The following COL4A3 variants were observed in gnomAD, a reference collection of about 807,000 sequenced individuals.
COL4A3 encodes collagen alpha-3(IV) chain.
Under a neutral mutation model 217.4 loss-of-function variants are expected in COL4A3, and 135 were observed. That is an observed-to-expected ratio of 0.62 (90% confidence interval 0.54 to 0.72). The LOEUF (loss-of-function observed/expected upper bound fraction) is 0.72, where lower values mean the gene tolerates loss of function less well. Ranked by LOEUF, COL4A3 falls within the 30% of genes least tolerant of loss-of-function variation. The pLI is 0.00. For synonymous variants in COL4A3, 690 were observed against 736.3 expected (o/e 0.94, Z 1.02); for missense variants, 1,868 against 2,119.9 (o/e 0.88, Z 2.33).
At chr2:227,206,631 C>T (rs181346495) in intron 1 of COL4A3, among the ~76,000 whole-genome samples, 47 of 151,804 alleles carry the variant, frequency 3.1e-4, no homozygotes, top group Non-Finnish European at 5.6e-4. Context: ...CACCTGAGAA[C>T]TTGTCAGAAA....
chr2:227,243,985 A>G lies in COL4A3; in HGVS notation c.235-335A>G, dbSNP rs576606458. ...GACTTTAATGTGCACAAGAATCACTAAAGAATCATGTTAAACATGCAGATT... is the reference window on the plus strand; with the variant it reads ...GACTTTAATGTGCACAAGAATCACTGAAGAATCATGTTAAACATGCAGATT... On this transcript the variant is annotated intron_variant, in intron 3 of 51. Coordinates refer to ENST00000396578, the MANE Select transcript of COL4A3 (RefSeq NM_000091.5). Among the ~76,000 whole-genome samples the G allele has an allele frequency of 7.2e-5, 11 of 152,312 alleles. No homozygotes were observed. The South Asian group carries it at 1.4e-3, about 20-fold the overall frequency.
intron 34 of COL4A3, among the ~76,000 whole-genome samples, chr2:227,287,299 C>T (rs2072391865): frequency 1.3e-5 from 2 of 152,062 alleles, no homozygotes; most frequent in Non-Finnish European, 2.9e-5. Context: ...GGCGTGGTGG[C>T]ACACGCCTGT....
chr2:227,184,536 T>C (rs966429956), intron 1 of COL4A3, among the ~76,000 whole-genome samples: 1 of 152,208 alleles, frequency 6.6e-6, no homozygotes, highest in African/African-American at 2.4e-5. Flanking sequence ...CCAAGAAAGA[T>C]CTGGTCAATA....
intron 1 of COL4A3, among the ~76,000 whole-genome samples, chr2:227,176,637 A>G (rs1015701422): frequency 1.3e-5 from 2 of 152,210 alleles, no homozygotes; most frequent in African/African-American, 4.8e-5. Flanking sequence ...GTTCAAGTGT[A>G]TTTAGAAACT....
chr2:227,233,664 T>C (rs1458909384), intron 1 of COL4A3, among the ~76,000 whole-genome samples: 2 of 152,038 alleles, frequency 1.3e-5, no homozygotes, highest in African/African-American at 2.4e-5. Context: ...AGACCCAAAC[T>C]AAGGGACAAT....
intron 1 of COL4A3, among the ~76,000 whole-genome samples, chr2:227,223,255 C>T (rs960149912): frequency 1.3e-5 from 2 of 152,172 alleles, no homozygotes; most frequent in Non-Finnish European, 2.9e-5. Flanking sequence ...TTACTAAAGA[C>T]TTCAAATAAT....
intron 1 of COL4A3, among the ~76,000 whole-genome samples, chr2:227,167,972 C>T (rs1234747341): frequency 6.6e-6 from 1 of 152,172 alleles, no homozygotes; most frequent in South Asian, 2.1e-4. Context: ...AATAGTTTCA[C>T]ATTACACGTA....
At chr2:227,218,722 G>GAAATATTA (rs1266200261) in intron 1 of COL4A3, among the ~76,000 whole-genome samples, 1 of 152,136 alleles carries the variant, frequency 6.6e-6, no homozygotes, top group Admixed American at 6.5e-5. Flanking sequence ...CACATATTAG[G>GAAATATTA]AAAGGTGGAA....
rs985755795 is a variant in COL4A3, at chr2:227,312,975, A to C, written c.*1105A>C. On this transcript the variant is annotated 3_prime_UTR_variant, in exon 52 of 52. Coordinates refer to ENST00000396578, the MANE Select transcript of COL4A3 (RefSeq NM_000091.5). ...TTTATGTTATATGTTGTTCTTACAA[A>C]CCATACTGAAAGAGTCCATTGTTTA... 1.3e-4 allele frequency: 20 copies of C among 152,536 alleles called. No individual in the cohort carries two copies. The highest frequency in any genetic ancestry group is 4.6e-4 in the African/African-American group (19 of 41,440). 9.4% of individuals were successfully genotyped at this position (152,536 alleles called of 1,614,324 possible).
intron 25 of COL4A3, among the ~76,000 whole-genome samples, chr2:227,272,637 C>G (rs1026719108): frequency 1.3e-5 from 2 of 152,184 alleles, no homozygotes; most frequent in African/African-American, 4.8e-5. Flanking sequence ...CCACTAAAGT[C>G]ATTTGAACTA....
rs537350651 is a variant in COL4A3 at position 227,311,658 on chromosome 2, G to A, written c.4929-128G>A. 202 of 846,894 alleles carry A rather than the reference G, an allele frequency of 2.4e-4. No homozygotes were observed. In the African/African-American group the frequency reaches 3.0e-3, roughly 13 times the overall value. The allele number at this position is 846,894 out of a possible 1,614,324, so 52.5% of individuals were successfully genotyped here. A position where few individuals can be genotyped will look rare whatever the true frequency, so the allele number is the denominator to read the frequency against. On this transcript the variant is annotated intron_variant, in intron 51 of 51. Coordinates refer to ENST00000396578, the MANE Select transcript of COL4A3 (RefSeq NM_000091.5). ...CTCCCAAATTGCTGGGATTACAGGCGTGAGCCACCACGCCCGACCCTGTAA... is the reference window on the plus strand; with the variant it reads ...CTCCCAAATTGCTGGGATTACAGGCATGAGCCACCACGCCCGACCCTGTAA...
In COL4A3 at chr2:227,256,017, T is replaced by C. The variant is rs374163622; in HGVS notation, c.889-9T>C. The C allele has an allele frequency of 3.8e-5, 61 of 1,613,646 alleles. No individual in the cohort carries two copies. Among genetic ancestry groups the C allele is most frequent in the Non-Finnish European group, 5.2e-5 (61 of 1,179,702 alleles). On this transcript the variant is annotated splice_polypyrimidine_tract_variant and intron_variant, in intron 15 of 51. Coordinates refer to ENST00000396578, the MANE Select transcript of COL4A3 (RefSeq NM_000091.5). ...TACATTTCATGTTTTTGATTTGTTT[T>C]TGCTGTAGGGAAAACCCGGAAAAGA...
intron 1 of COL4A3, among the ~76,000 whole-genome samples, chr2:227,221,839 C>T (rs2067803815): frequency 6.6e-6 from 1 of 151,820 alleles, no homozygotes; most frequent in African/African-American, 2.4e-5. Context: ...AATGATACCA[C>T]TTCTAGATTT....
intron 18 of COL4A3, among the ~76,000 whole-genome samples, chr2:227,258,887 T>C (rs1447699762): frequency 6.6e-6 from 1 of 152,172 alleles, no homozygotes; most frequent in Non-Finnish European, 1.5e-5. Flanking sequence ...TGGACATTAT[T>C]ATGTTATATT....
chr2:227,202,763 A>ATATATATTATATATATATATG (rs1553738341), intron 1 of COL4A3, among the ~76,000 whole-genome samples: 2 of 109,632 alleles, frequency 1.8e-5, no homozygotes, highest in Non-Finnish European at 3.9e-5. Context: ...ATATATATAT[A>ATATATATTATATATATATATG]TATATATATC....
chr2:227,254,480 T>C (rs1428217286), intron 14 of COL4A3, among the ~76,000 whole-genome samples, 176 bp from the exon 15 acceptor site: 1 of 152,188 alleles, frequency 6.6e-6, no homozygotes, highest in Non-Finnish European at 1.5e-5. Context: ...CAGCATCAGC[T>C]TTTTTAGCAT....
At chr2:227,252,851 A>G (rs2069862176) in intron 11 of COL4A3, among the ~76,000 whole-genome samples, 1 of 152,182 alleles carries the variant, frequency 6.6e-6, no homozygotes, top group Admixed American at 6.5e-5. Context: ...CTAAATTACT[A>G]GTGAAGTCGG....
At chr2:227,284,080 T>C in intron 33 of COL4A3, 131 bp from the exon 34 acceptor site, 1 of 1,279,986 alleles carries the variant, frequency 7.8e-7, no homozygotes, top group Non-Finnish European at 1.1e-6. Flanking sequence ...GGAAACTATT[T>C]ATCAAGTTCT....
chr2:227,255,965 C>T (rs1029840223), intron 15 of COL4A3, 61 bp from the exon 16 acceptor site: 7 of 1,525,898 alleles, frequency 4.6e-6, no homozygotes, highest in South Asian at 1.1e-5. Flanking sequence ...TTAAGATTTC[C>T]GTATTTGTAA....
Sources: allele counts gnomAD v4.1 joint callset (sites outside exome capture counted in the v4.1 genomes callset), GRCh38; gene constraint gnomAD v4.1.1; transcripts MANE v1.5; gene names NCBI Gene and HGNC (gene_info 2026-07-23, HGNC 2026-07-21).